The following MTREX variants were observed in gnomAD, a reference collection of about 807,000 sequenced individuals.
The protein encoded by MTREX is Mtr4 exosome RNA helicase.
A neutral mutation model predicts 135.4 loss-of-function variants in MTREX; 76 were observed. The observed-to-expected ratio is 0.56, with a 90% CI of 0.47 to 0.68. MTREX has a LOEUF of 0.68. Among genes scored for constraint, MTREX ranks in the 30% least tolerant of loss-of-function variants. The probability of loss-of-function intolerance (pLI) is 0.00; values close to 1 mark genes in which losing one functional copy is unlikely to be tolerated. For synonymous variants in MTREX, 404 were observed against 401.6 expected, an observed-to-expected ratio of 1.01 and a Z score of -0.07; for missense variants, 920 against 1,262.1, an observed-to-expected ratio of 0.73 and a Z score of 4.11.
intron 18 of MTREX, among the ~76,000 whole-genome samples, chr5:55,381,979 TG>T (rs1237601410): frequency 1.3e-5 from 2 of 152,216 alleles, no homozygotes; most frequent in Non-Finnish European, 2.9e-5. Flanking sequence ...AGCTTTCTTT[TG>T]ATTATTCTTT....
chr5:55,407,524 T>C (rs1490328596), intron 22 of MTREX, among the ~76,000 whole-genome samples: 1 of 151,074 alleles, frequency 6.6e-6, no homozygotes, highest in Admixed American at 6.7e-5. Flanking sequence ...ACATTTTTCA[T>C]TTATAGTAAT....
chr5:55,391,458 T>C (rs927687412), intron 19 of MTREX, among the ~76,000 whole-genome samples: 2 of 151,922 alleles, frequency 1.3e-5, no homozygotes, highest in South Asian at 4.1e-4. Flanking sequence ...AAAAAATCAA[T>C]CTCTTTGTCT....
intron 16 of MTREX, among the ~76,000 whole-genome samples, chr5:55,370,348 C>T (rs1171517010): frequency 2.0e-5 from 3 of 152,186 alleles, no homozygotes; most frequent in East Asian, 1.9e-4. Context: ...AATCTTGCCT[C>T]GGTTTCTTCC....
chr5:55,380,250 T>G (rs1750374184), intron 18 of MTREX, among the ~76,000 whole-genome samples: 2 of 152,164 alleles, frequency 1.3e-5, no homozygotes. Context: ...TGTTTCTTTT[T>G]TTAAACAGTT....
rs115626991 is a variant in MTREX at position 55,381,992 on chromosome 5, C to T, written c.2052+2797C>T. Among the ~76,000 whole-genome samples, 265 of 152,158 alleles carry T rather than the reference C, an allele frequency of 1.7e-3. 1 individual carries two copies. The highest frequency in any genetic ancestry group is 6.2e-3 in the African/African-American group (256 of 41,506). ...TGAGCTTTCTTTTGATTATTCTTTG[C>T]ATAATATTTTTTCCCATTTTTAAAT... On this transcript the variant is annotated intron_variant, in intron 18 of 26. Coordinates refer to ENST00000230640, the MANE Select transcript of MTREX (RefSeq NM_015360.5).
At chr5:55,343,585 T>G (rs543186177) in intron 8 of MTREX, 130 bp downstream of exon 8, 1 of 754,468 alleles carries the variant, frequency 1.3e-6, no homozygotes, top group East Asian at 2.8e-5. Context: ...GGTAAACTGC[T>G]TCTCAAATCA....
At chr5:55,415,378 T>C (rs1750951405) in intron 24 of MTREX, among the ~76,000 whole-genome samples, 1 of 152,070 alleles carries the variant, frequency 6.6e-6, no homozygotes, top group South Asian at 2.1e-4. Context: ...TTTAAAATAA[T>C]AATTCAAAAA....
At chr5:55,330,578 C>T (rs908864408) in intron 5 of MTREX, among the ~76,000 whole-genome samples, 3 of 151,634 alleles carry the variant, frequency 2.0e-5, no homozygotes, top group Non-Finnish European at 4.4e-5. Flanking sequence ...TGATTACTTC[C>T]TGGTCTCTTT....
rs1200704701 is a variant in MTREX, at chr5:55,324,142, C to A, written c.283C>A (p.Leu95Met). 1.2e-6 allele frequency: 2 copies of A among 1,610,644 alleles called. No individual in the cohort carries two copies. Among genetic ancestry groups the A allele is most frequent in the East Asian group, 4.5e-5 (2 of 44,698 alleles). Residue 95 changes from leucine (L) to methionine (M), a missense_variant, in exon 3 of 27, where the codon CTG becomes ATG. This residue lies in a region of MTREX where 136 missense variants were observed against 126.7 expected (regional missense o/e 1.07). Coordinates refer to ENST00000230640, the MANE Select transcript of MTREX (RefSeq NM_015360.5). The stretch of plus-strand genomic sequence containing the variant: ...ACAATTCTTTTTAAGTTTGGCAGAC[C>A]TGATGCCCAGAGTCAAGGTACAATC... ...SITEDLSLAD[L>M]MPRVKVQSVE...
intron 15 of MTREX, among the ~76,000 whole-genome samples, chr5:55,360,819 A>G (rs1749995343): frequency 6.6e-6 from 1 of 152,154 alleles, no homozygotes; most frequent in South Asian, 2.1e-4. Context: ...GGAATTTATA[A>G]GTAACTTATT....
intron 3 of MTREX, among the ~76,000 whole-genome samples, chr5:55,326,455 A>G (rs1379385852): frequency 5.9e-5 from 9 of 152,114 alleles, no homozygotes; most frequent in Admixed American, 3.9e-4. Flanking sequence ...CAGGAGGTCA[A>G]AAGCCCCTTC....
intron 16 of MTREX, among the ~76,000 whole-genome samples, chr5:55,367,861 C>T (rs1309137827): frequency 1.3e-5 from 2 of 152,044 alleles, no homozygotes; most frequent in Admixed American, 6.6e-5. Context: ...AAATATTGTG[C>T]GTAGTCATCG....
intron 11 of MTREX, among the ~76,000 whole-genome samples, chr5:55,349,126 A>G (rs1301505488): frequency 1.3e-5 from 2 of 150,798 alleles, no homozygotes; most frequent in Non-Finnish European, 2.9e-5. Context: ...GGTAATTTTT[A>G]TCTACTTTCT....
At chr5:55,372,892 A>ATG (rs59026723) in intron 16 of MTREX, among the ~76,000 whole-genome samples, 12,834 of 120,754 alleles carry the variant, frequency 0.11, 409 homozygotes, top group Admixed American at 0.12. Flanking sequence ...TAAAACTGTA[A>ATG]TGTGTGTGTG....
chr5:55,328,219 G>A lies in MTREX; in HGVS notation c.402+441G>A, dbSNP rs547421185. On this transcript the variant is annotated intron_variant, in intron 4 of 26. Transcript: ENST00000230640. ...AGTAATTTTCTTAAATAAAAAAGGC[G>A]GTATGGTAGAGTATGCATGAACTCT... Among the ~76,000 whole-genome samples the A allele has an allele frequency of 6.6e-5, 10 of 152,112 alleles. No homozygotes were observed. The East Asian group carries it at 7.7e-4, about 12-fold the overall frequency.
intron 13 of MTREX, among the ~76,000 whole-genome samples, chr5:55,352,615 A>G (rs1171240033): frequency 6.6e-6 from 1 of 152,200 alleles, no homozygotes; most frequent in Non-Finnish European, 1.5e-5. Flanking sequence ...TTTTTAATGA[A>G]TGAATAGTAT....
At position 55,308,127 on chromosome 5, in the gene MTREX, A is replaced by T; in HGVS notation, c.114A>T (p.Pro38=). Residue 38 remains proline, a synonymous_variant, in exon 1 of 27, where the codon CCA becomes CCT. Transcript: ENST00000230640. ...ACAAGGGGAAATGGAAGGGGCCTCC[A>T]GGGTCTGCAGACAAGGCAGGGTAAG... ...EKDKGKWKGP[P]GSADKAGKRF... is the part of the protein sequence containing the mutation. 6.2e-7 allele frequency: 1 copy of T among 1,610,692 alleles called. No homozygotes were observed. Among genetic ancestry groups the T allele is most frequent in the Non-Finnish European group, 8.5e-7 (1 of 1,178,656 alleles).
chr5:55,400,173 T>G, intron 20 of MTREX, 60 bp from the exon 21 acceptor site: 1 of 1,256,740 alleles, frequency 8.0e-7, no homozygotes, highest in South Asian at 1.8e-5. Context: ...AACACTGATT[T>G]GGTTTGGTCT....
intron 16 of MTREX, among the ~76,000 whole-genome samples, chr5:55,375,520 C>G (rs1579878947): frequency 6.6e-6 from 1 of 152,186 alleles, no homozygotes; most frequent in South Asian, 2.1e-4. Context: ...AAGGTTATCT[C>G]TCTTATTCCC....
Sources: gnomAD v4.1 joint callset for allele counts (sites outside exome capture counted in the v4.1 genomes callset) on GRCh38, gnomAD v4.1.1 for gene constraint, gnomAD v4.1.1 regional missense constraint, MANE v1.5 for transcripts, NCBI Gene and HGNC (gene_info 2026-07-23, HGNC 2026-07-21) for gene names.